Variants in RAB28 observed in about 807,000 individuals in gnomAD.
RAB28 encodes ras-related protein Rab-28.
RAB28 carries 24 observed loss-of-function variants against 31.7 expected under a neutral mutation model. The observed-to-expected ratio is 0.76, with a 90% CI of 0.55 to 1.06. The LOEUF is 1.06. Ranked by LOEUF, RAB28 falls within the 50% of genes least tolerant of loss-of-function variation. The probability of loss-of-function intolerance (pLI) is 0.00; values close to 1 mark genes in which losing one functional copy is unlikely to be tolerated. For missense variants in RAB28, 254 were observed against 258.5 expected (o/e 0.98, Z 0.12); for synonymous variants, 100 against 90.4 (o/e 1.11, Z -0.60).
chr4:13,463,510 G>C (rs1715698940), intron 3 of RAB28, among the ~76,000 whole-genome samples: 2 of 152,272 alleles, frequency 1.3e-5, no homozygotes, highest in Admixed American at 6.5e-5. Flanking sequence ...GCAGAGCTGA[G>C]TGGCTACAAC....
At chr4:13,473,882 G>C (rs1018547568) in intron 3 of RAB28, 1 of 356,826 alleles carries the variant, frequency 2.8e-6, no homozygotes, top group East Asian at 7.9e-5. Context: ...AATCTGAAAA[G>C]CTATCAATAT....
chr4:13,407,800 G>C (rs977954697), intron 4 of RAB28, among the ~76,000 whole-genome samples: 1 of 152,144 alleles, frequency 6.6e-6, no homozygotes, highest in Non-Finnish European at 1.5e-5. Flanking sequence ...GTTCACTCAT[G>C]ATTTGGCTCT....
intron 4 of RAB28, among the ~76,000 whole-genome samples, chr4:13,402,529 T>A (rs191470072): frequency 2.6e-5 from 4 of 152,252 alleles, no homozygotes; most frequent in Middle Eastern, 3.4e-3. Context: ...TTGTTTCTCA[T>A]GTTAATATAG....
intron 4 of RAB28, among the ~76,000 whole-genome samples, chr4:13,416,196 C>T (rs1047959549): frequency 3.3e-5 from 5 of 152,144 alleles, no homozygotes; most frequent in African/African-American, 1.2e-4. Context: ...TCCCCTTCCA[C>T]ACTGTGGAAG....
At chr4:13,457,193 A>G (rs1329860799) in intron 4 of RAB28, among the ~76,000 whole-genome samples, 1 of 152,180 alleles carries the variant, frequency 6.6e-6, no homozygotes, top group African/African-American at 2.4e-5. Flanking sequence ...CCAGCTTCAC[A>G]TGTCTTTCCA....
chr4:13,393,143 A>G (rs1039498488), intron 4 of RAB28, among the ~76,000 whole-genome samples: 1 of 152,232 alleles, frequency 6.6e-6, no homozygotes, highest in African/African-American at 2.4e-5. Flanking sequence ...AGTAACAAAG[A>G]TCTGTATAAG....
At chr4:13,430,546 T>C (rs1713755912) in intron 4 of RAB28, among the ~76,000 whole-genome samples, 1 of 152,150 alleles carries the variant, frequency 6.6e-6, no homozygotes, top group African/African-American at 2.4e-5. Flanking sequence ...ATTTGAGTAC[T>C]TACCGGGAAT....
chr4:13,476,304 A>G (rs1312423766), intron 2 of RAB28, among the ~76,000 whole-genome samples: 1 of 151,486 alleles, frequency 6.6e-6, no homozygotes, highest in African/African-American at 2.4e-5. Flanking sequence ...AGAGGTTCAT[A>G]GTCATGTGTT....
chr4:13,450,426 C>G (rs945222696), intron 4 of RAB28, among the ~76,000 whole-genome samples: 1 of 151,812 alleles, frequency 6.6e-6, no homozygotes, highest in Admixed American at 6.6e-5. Context: ...GCCCTAAAGG[C>G]CATCTAATGG....
intron 3 of RAB28, among the ~76,000 whole-genome samples, chr4:13,470,281 T>A (rs562954938): frequency 2.0e-5 from 3 of 152,096 alleles, no homozygotes; most frequent in African/African-American, 7.2e-5. Context: ...GCTTTATAAG[T>A]ATAACCCGTA....
intron 4 of RAB28, among the ~76,000 whole-genome samples, chr4:13,420,628 A>G (rs1713075625): frequency 6.6e-6 from 1 of 152,220 alleles, no homozygotes; most frequent in Non-Finnish European, 1.5e-5. Flanking sequence ...AATGTAATCC[A>G]TCACATAAAC....
Position 13,425,528 on chromosome 4 carries a change from A to G in RAB28, c.391+35171T>C, listed in dbSNP as rs1278210710. On this transcript the variant is annotated intron_variant, in intron 4 of 6. Transcript: ENST00000330852. ...TCATGAAAAGGACTCAAGATCCTAC[A>G]TTAAAGTTGTGGCTGGGTGTGTGCA... Among the ~76,000 whole-genome samples the G allele has an allele frequency of 8.5e-4, 130 of 152,186 alleles. 1 individual carries two copies. The highest frequency in any genetic ancestry group is 8.5e-3 in the Admixed American group (130 of 15,274).
At chr4:13,421,951 A>C (rs1430721880) in intron 4 of RAB28, among the ~76,000 whole-genome samples, 1 of 152,170 alleles carries the variant, frequency 6.6e-6, no homozygotes, top group African/African-American at 2.4e-5. Flanking sequence ...AACTACCATC[A>C]GAGTGAACAG....
intron 4 of RAB28, among the ~76,000 whole-genome samples, chr4:13,411,443 A>T (rs1712436112): frequency 6.6e-6 from 1 of 152,160 alleles, no homozygotes; most frequent in African/African-American, 2.4e-5. Flanking sequence ...ATATTGTAAA[A>T]CTAATGTAAA....
chr4:13,470,671 A>G (rs1393229242), intron 3 of RAB28, among the ~76,000 whole-genome samples: 1 of 152,086 alleles, frequency 6.6e-6, no homozygotes, highest in South Asian at 2.1e-4. Flanking sequence ...ACAGGGCACT[A>G]AACACTATGT....
intron 4 of RAB28, among the ~76,000 whole-genome samples, chr4:13,431,627 G>A (rs907393926): frequency 4.0e-5 from 6 of 151,850 alleles, no homozygotes; most frequent in African/African-American, 1.2e-4. Context: ...CCAATATATC[G>A]CTACAACAAG....
chr4:13,433,871 T>C (rs777464223), intron 4 of RAB28, among the ~76,000 whole-genome samples: 3 of 152,168 alleles, frequency 2.0e-5, no homozygotes, highest in Non-Finnish European at 4.4e-5. Context: ...CATATGCTCA[T>C]TGAAGCCCTG....
At chr4:13,441,940 A>C (rs143715463) in intron 4 of RAB28, among the ~76,000 whole-genome samples, 2,491 of 152,334 alleles carry the variant, frequency 0.016, 26 homozygotes, top group Non-Finnish European at 0.029. Context: ...TATTGTTGAC[A>C]TCAGTCACAT....
intron 2 of RAB28, 135 bp downstream of exon 2, chr4:13,479,295 T>C (rs1186799201): frequency 8.0e-6 from 5 of 626,024 alleles, no homozygotes; most frequent in South Asian, 1.9e-5. Context: ...AAAGTTAACA[T>C]CCCTAAGATA....
Sources: gnomAD v4.1 joint callset for allele counts (sites outside exome capture counted in the v4.1 genomes callset) on GRCh38, gnomAD v4.1.1 for gene constraint, MANE v1.5 for transcripts, NCBI Gene and HGNC (gene_info 2026-07-23, HGNC 2026-07-21) for gene names.